ELAVL2: variants seen among roughly 807,000 people sequenced by gnomAD.
ELAVL2 encodes ELAV-like protein 2.
ELAVL2 carries 4 observed loss-of-function variants against 34.6 expected under a neutral mutation model. That is an observed-to-expected ratio of 0.12 (90% confidence interval 0.06 to 0.26). The LOEUF (loss-of-function observed/expected upper bound fraction) is 0.26, where lower values mean the gene tolerates loss of function less well. Ranked by LOEUF, ELAVL2 falls within the 10% of genes least tolerant of loss-of-function variation. The pLI is 1.00. For synonymous variants in ELAVL2, 193 were observed against 154.8 expected (o/e 1.25, Z -1.83); for missense variants, 432 against 442.8 (o/e 0.98, Z 0.22).
At chr9:23,810,490 G>A (rs1008657516) in intron 1 of ELAVL2, among the ~76,000 whole-genome samples, 1 of 152,138 alleles carries the variant, frequency 6.6e-6, no homozygotes, top group African/African-American at 2.4e-5. Flanking sequence ...TTAATATGGA[G>A]GTGAGATACA....
intron 1 of ELAVL2, among the ~76,000 whole-genome samples, chr9:23,807,351 T>C (rs2062370776): frequency 6.6e-6 from 1 of 152,158 alleles, no homozygotes; most frequent in African/African-American, 2.4e-5. Flanking sequence ...TTTTTCCGTG[T>C]CTTTTCCAAT....
At chr9:23,728,157 A>G (rs2045699629) in intron 3 of ELAVL2, among the ~76,000 whole-genome samples, 1 of 152,030 alleles carries the variant, frequency 6.6e-6, no homozygotes, top group Non-Finnish European at 1.5e-5. Context: ...GACAGAGAAC[A>G]GTGCTTAAGC....
the ELAVL2 span, among the ~76,000 whole-genome samples, chr9:23,839,154 C>G: frequency 1.3e-5 from 2 of 151,800 alleles, no homozygotes; most frequent in Non-Finnish European, 2.9e-5. Flanking sequence ...AAAGAAGGTA[C>G]TAAGAAAAAA....
intron 1 of ELAVL2, among the ~76,000 whole-genome samples, chr9:23,820,966 T>C (rs1351856167): frequency 6.6e-6 from 1 of 151,996 alleles, no homozygotes; most frequent in Non-Finnish European, 1.5e-5. Context: ...TCATTGCTCC[T>C]GCCCTGGGCG....
chr9:23,714,904 C>G (rs2041909472), intron 3 of ELAVL2, among the ~76,000 whole-genome samples: 1 of 152,082 alleles, frequency 6.6e-6, no homozygotes, highest in Non-Finnish European at 1.5e-5. Context: ...ATTCGAGAGA[C>G]TAAAAGAAAA....
At chr9:23,750,894 T>C (rs1353923780) in intron 2 of ELAVL2, among the ~76,000 whole-genome samples, 2 of 152,206 alleles carry the variant, frequency 1.3e-5, no homozygotes, top group African/African-American at 4.8e-5. Flanking sequence ...GAAATAAAAC[T>C]GTTCTCTCAG....
chr9:23,774,512 T>A (rs1373593424), intron 1 of ELAVL2, among the ~76,000 whole-genome samples: 1 of 152,210 alleles, frequency 6.6e-6, no homozygotes, highest in East Asian at 1.9e-4. Context: ...AATTTTTACT[T>A]GCAATGCTGC....
intron 3 of ELAVL2, among the ~76,000 whole-genome samples, chr9:23,724,585 T>C (rs926658236): frequency 6.6e-6 from 1 of 152,178 alleles, no homozygotes; most frequent in African/African-American, 2.4e-5. Flanking sequence ...AAGGGCATTA[T>C]ACAAATAACA....
At chr9:23,846,959 T>C in the ELAVL2 span, among the ~76,000 whole-genome samples, 1 of 152,086 alleles carries the variant, frequency 6.6e-6, no homozygotes, top group Non-Finnish European at 1.5e-5. Flanking sequence ...CCTCACTTTA[T>C]GGTTCATAAG....
At chr9:23,729,756 T>C (rs900981988) in intron 3 of ELAVL2, among the ~76,000 whole-genome samples, 1 of 152,046 alleles carries the variant, frequency 6.6e-6, no homozygotes, top group Non-Finnish European at 1.5e-5. Flanking sequence ...GCATTTTTCT[T>C]AGGGGCCAAT....
chr9:23,724,518 G>A (rs988660576), intron 3 of ELAVL2, among the ~76,000 whole-genome samples: 4 of 152,174 alleles, frequency 2.6e-5, no homozygotes, highest in South Asian at 4.1e-4. Context: ...AGAAATTTCT[G>A]GGCTTTTTGT....
rs562059246 is a variant in ELAVL2, at chr9:23,777,298, G to T, written c.-15-15049C>A. Reference sequence around the variant, plus strand: ...AAACCACTCTTCTAAAGGGAACCATGACCCTGAACCCAAATTTTTCAATTC... The same window carrying T: ...AAACCACTCTTCTAAAGGGAACCATTACCCTGAACCCAAATTTTTCAATTC... On this transcript the variant is annotated intron_variant, in intron 1 of 6. Coordinates refer to ENST00000397312, the MANE Select transcript of ELAVL2 (RefSeq NM_004432.5). Among the ~76,000 whole-genome samples the T allele has an allele frequency of 2.0e-5, 3 of 152,250 alleles. 1 individual carries two copies. The highest frequency in any genetic ancestry group is 7.2e-5 in the African/African-American group (3 of 41,556).
At chr9:23,831,659 A>C in the ELAVL2 span, 2 of 152,390 alleles carry the variant, frequency 1.3e-5, 1 homozygote, top group South Asian at 4.1e-4. Flanking sequence ...AGAAGCCCAG[A>C]TCCTGCTCCA....
chr9:23,718,870 C>G (rs576618320), intron 3 of ELAVL2, among the ~76,000 whole-genome samples: 2 of 152,292 alleles, frequency 1.3e-5, no homozygotes, highest in East Asian at 3.9e-4. Context: ...CATTCAAAGA[C>G]AATCCTTCAT....
At chr9:23,727,137 G>A (rs1433386238) in intron 3 of ELAVL2, among the ~76,000 whole-genome samples, 1 of 152,046 alleles carries the variant, frequency 6.6e-6, no homozygotes. Flanking sequence ...CTGTGGGCAG[G>A]CTTAACCCAA....
At chr9:23,829,142 G>A (rs891845222), upstream of ELAVL2, among the ~76,000 whole-genome samples, 1 of 152,122 alleles carries the variant, frequency 6.6e-6, no homozygotes, top group African/African-American at 2.4e-5. Flanking sequence ...CAAGTTCCTG[G>A]CATTATTTTG....
chr9:23,785,864 G>C lies in ELAVL2; in HGVS notation c.-15-23615C>G, dbSNP rs550697739. Among the ~76,000 whole-genome samples, 23 of 152,278 alleles carry C rather than the reference G, an allele frequency of 1.5e-4. No homozygotes were observed. The South Asian group carries it at 4.8e-3, about 32-fold the overall frequency. On this transcript the variant is annotated intron_variant, in intron 1 of 6. Coordinates refer to ENST00000397312, the MANE Select transcript of ELAVL2 (RefSeq NM_004432.5). ...ACACTGGGTCCCACTCAAAAATAAAGTATCTCAACTTTTTCACTGAATTTA... is the reference window on the plus strand; with the variant it reads ...ACACTGGGTCCCACTCAAAAATAAACTATCTCAACTTTTTCACTGAATTTA...
intron 3 of ELAVL2, among the ~76,000 whole-genome samples, chr9:23,721,297 G>T (rs142235855): frequency 2.6e-5 from 4 of 152,198 alleles, no homozygotes; most frequent in Admixed American, 2.0e-4. Flanking sequence ...TTGATTCTAT[G>T]AAGTTAGGAG....
intron 2 of ELAVL2, among the ~76,000 whole-genome samples, chr9:23,753,922 C>G (rs995097878): frequency 1.3e-5 from 2 of 152,144 alleles, no homozygotes; most frequent in African/African-American, 2.4e-5. Flanking sequence ...TTCTATCAAA[C>G]CAGCAAAGCA....
Sources: allele counts gnomAD v4.1 joint callset (sites outside exome capture counted in the v4.1 genomes callset), GRCh38; gene constraint gnomAD v4.1.1; transcripts MANE v1.5; gene names NCBI Gene and HGNC (gene_info 2026-07-23, HGNC 2026-07-21).